CPSF3: variants seen among roughly 807,000 people sequenced by gnomAD.
The protein encoded by CPSF3 is cleavage and polyadenylation specific factor 3.
Under a neutral mutation model 84.1 loss-of-function variants are expected in CPSF3, and 57 were observed. The ratio of observed to expected loss-of-function variants is 0.68; its 90% CI spans 0.55 to 0.85. The LOEUF (loss-of-function observed/expected upper bound fraction) is 0.85, where lower values mean the gene tolerates loss of function less well. CPSF3 is among the 40% of genes least tolerant of loss of function. The probability of loss-of-function intolerance (pLI) is 0.00; values close to 1 mark genes in which losing one functional copy is unlikely to be tolerated. For synonymous variants in CPSF3, 275 were observed against 278.1 expected (o/e 0.99, Z 0.11); for missense variants, 522 against 838.8 (o/e 0.62, Z 4.66).
chr2:9,460,131 G>C (rs1350544946), intron 15 of CPSF3, among the ~76,000 whole-genome samples: 1 of 152,040 alleles, frequency 6.6e-6, no homozygotes, highest in African/African-American at 2.4e-5. Context: ...CAAAAACCTG[G>C]CTGCAATTAA....
intron 1 of CPSF3, chr2:9,424,205 G>A (rs1440170223): frequency 2.9e-5 from 30 of 1,020,432 alleles, no homozygotes; most frequent in Admixed American, 5.7e-5. Context: ...CAGGATGAGA[G>A]GAGGACCTGA....
At chr2:9,441,562 A>G (rs1212312898) in intron 8 of CPSF3, among the ~76,000 whole-genome samples, 1 of 152,190 alleles carries the variant, frequency 6.6e-6, no homozygotes, top group African/African-American at 2.4e-5. Flanking sequence ...GATGGTTCTG[A>G]TGGCCCTCTA....
rs186772039 is a variant in CPSF3 at position 9,443,311 on chromosome 2, T to C, written c.1096-204T>C. On this transcript the variant is annotated intron_variant, in intron 9 of 17. Transcript: ENST00000238112. ...AGCACTCCAGATAGATGAGTTTTAG[T>C]TAATTTGTTTACTTTTCTCATTAAA... Among the ~76,000 whole-genome samples the C allele has an allele frequency of 4.4e-4, 67 of 152,328 alleles. 1 individual carries two copies. The East Asian group carries it at 9.6e-3, about 22-fold the overall frequency.
chr2:9,433,834 C>T (rs960671994), intron 5 of CPSF3, 37 bp from the exon 6 acceptor site: 1 of 1,435,752 alleles, frequency 7.0e-7, no homozygotes, highest in Admixed American at 1.8e-5. Flanking sequence ...TGAAGCCTTC[C>T]CCAAATCCTA....
chr2:9,460,867 G>A (rs980334571), intron 15 of CPSF3, among the ~76,000 whole-genome samples: 3 of 152,010 alleles, frequency 2.0e-5, no homozygotes, highest in African/African-American at 7.2e-5. Flanking sequence ...TGTGTGCTGT[G>A]CTGGGGGAAG....
chr2:9,436,477 A>G (rs1179670898), intron 7 of CPSF3, 116 bp downstream of exon 7: 7 of 1,218,384 alleles, frequency 5.7e-6, no homozygotes, highest in Admixed American at 2.6e-5. Flanking sequence ...TCTTCATTTA[A>G]AAATAGAGAT....
rs1405215983 is a variant in CPSF3, at chr2:9,455,988, GAA to G, written c.1603+234_1603+235del. Among the ~76,000 whole-genome samples, 3 of 151,966 alleles carry G rather than the reference GAA, an allele frequency of 2.0e-5. No individual in the cohort carries two copies. In the East Asian group the frequency reaches 5.8e-4, roughly 29 times the overall value. ...TAAAAACTTAAAAAAAATTAAAAAA[GAA>G]AATATACTCAAATTTTTTTTAATTC... On this transcript the variant is annotated intron_variant, in intron 13 of 17. Transcript: ENST00000238112.
chr2:9,461,743 C>CTTTTT (rs530424404), intron 15 of CPSF3, among the ~76,000 whole-genome samples: 1 of 105,278 alleles, frequency 9.5e-6, no homozygotes, highest in African/African-American at 3.8e-5. Context: ...GAAGGAGGAT[C>CTTTTT]TTTTTTTTTT....
chr2:9,468,619 CTTTTT>C (rs5829213), intron 16 of CPSF3, among the ~76,000 whole-genome samples: 29,691 of 108,012 alleles, frequency 0.27, 3,753 homozygotes, highest in Non-Finnish European at 0.33. Flanking sequence ...CTACACTGAC[CTTTTT>C]TTTTTTTTTT....
intron 17 of CPSF3, among the ~76,000 whole-genome samples, chr2:9,471,713 T>C (rs1310584951): frequency 6.6e-6 from 1 of 151,980 alleles, no homozygotes; most frequent in Non-Finnish European, 1.5e-5. Context: ...CCTTCTCTAG[T>C]TTGGCATCTA....
At chr2:9,444,603 G>A (rs76934328) in intron 10 of CPSF3, among the ~76,000 whole-genome samples, 172 of 152,184 alleles carry the variant, frequency 1.1e-3, no homozygotes, top group African/African-American at 3.8e-3. Context: ...TTGGAAAGCA[G>A]GAGAAATGGC....
chr2:9,460,682 T>TC (rs1383463691), intron 15 of CPSF3, among the ~76,000 whole-genome samples: 14 of 150,262 alleles, frequency 9.3e-5, no homozygotes, highest in African/African-American at 3.4e-4. Context: ...TTTCTTTCTT[T>TC]TTTTTTTTTT....
At chr2:9,430,370 G>T (rs1267854272) in intron 3 of CPSF3, among the ~76,000 whole-genome samples, 1 of 152,062 alleles carries the variant, frequency 6.6e-6, no homozygotes, top group Non-Finnish European at 1.5e-5. Context: ...CACCTTTATT[G>T]AAACTATTTT....
chr2:9,467,565 A>T (rs1302915856), intron 15 of CPSF3, 142 bp from the exon 16 acceptor site: 1 of 523,814 alleles, frequency 1.9e-6, no homozygotes, highest in Non-Finnish European at 3.3e-6. Context: ...CAGGCAAATA[A>T]TACAAATCCC....
chr2:9,443,500 C>A lies in CPSF3; in HGVS notation c.1096-15C>A. 1 of 1,591,988 alleles carries A rather than the reference C, an allele frequency of 6.3e-7. No homozygotes were observed. The highest frequency in any genetic ancestry group is 8.6e-7 in the Non-Finnish European group (1 of 1,166,752). ...CTGGGTAGTTTGTTTTGTTATTTTTCTTTATTTTCCACAGCACATCATGTC... is the reference window on the plus strand; with the variant it reads ...CTGGGTAGTTTGTTTTGTTATTTTTATTTATTTTCCACAGCACATCATGTC... On this transcript the variant is annotated splice_polypyrimidine_tract_variant and intron_variant, in intron 9 of 17. Coordinates refer to ENST00000238112, the MANE Select transcript of CPSF3 (RefSeq NM_016207.4).
At chr2:9,463,576 G>A (rs1452037361) in intron 15 of CPSF3, among the ~76,000 whole-genome samples, 1 of 152,232 alleles carries the variant, frequency 6.6e-6, no homozygotes, top group Non-Finnish European at 1.5e-5. Context: ...TAAGTGACAG[G>A]TTTTAATAAG....
In CPSF3 at chr2:9,436,774, A is replaced by AAAAAATAAAATAAAAAATAAT. The variant is rs139337028; in HGVS notation, c.760+415_760+416insAAATAAAATAAAAAATAATAA. On this transcript the variant is annotated intron_variant, in intron 7 of 17. Coordinates refer to ENST00000238112, the MANE Select transcript of CPSF3 (RefSeq NM_016207.4). ...CGACAGAGCGAGACTCCATCTCAAAAAATAATAATAATAATAATAATAGGG... is the reference window on the plus strand; with the variant it reads ...CGACAGAGCGAGACTCCATCTCAAAAAAAAATAAAATAAAAAATAATAATAATAATAATAATAATAATAGGG... Among the ~76,000 whole-genome samples the AAAAAATAAAATAAAAAATAAT allele has an allele frequency of 8.2e-4, 118 of 143,036 alleles. 1 individual carries two copies. The highest frequency in any genetic ancestry group is 1.5e-3 in the Non-Finnish European group (99 of 65,544). 93.8% of individuals were successfully genotyped at this position (143,036 alleles called of 152,430 possible).
intron 8 of CPSF3, 72 bp from the exon 9 acceptor site, chr2:9,441,746 C>T (rs1680964834): frequency 4.8e-6 from 7 of 1,470,534 alleles, no homozygotes; most frequent in Non-Finnish European, 6.6e-6. Flanking sequence ...TTTTGTTATT[C>T]TTTAAAAAGA....
intron 17 of CPSF3, 94 bp downstream of exon 17, chr2:9,471,533 GCAT>G: frequency 4.0e-6 from 3 of 751,560 alleles, no homozygotes; most frequent in East Asian, 2.6e-5. Flanking sequence ...GTCTACTGTT[GCAT>G]ATTGGCATTT....
Sources: gnomAD v4.1 joint callset for allele counts (sites outside exome capture counted in the v4.1 genomes callset) on GRCh38, gnomAD v4.1.1 for gene constraint, MANE v1.5 for transcripts, NCBI Gene and HGNC (gene_info 2026-07-23, HGNC 2026-07-21) for gene names.